The following PPM1L variants were observed in gnomAD, a reference collection of about 807,000 sequenced individuals.
The protein encoded by PPM1L is protein phosphatase, Mg2+/Mn2+ dependent 1L, also known as protein phosphatase 1L.
Under a neutral mutation model 31.4 loss-of-function variants are expected in PPM1L, and 13 were observed. That is an observed-to-expected ratio of 0.41 (90% CI 0.27 to 0.66). The LOEUF (loss-of-function observed/expected upper bound fraction) is 0.66, where lower values mean the gene tolerates loss of function less well. Among genes scored for constraint, PPM1L ranks in the 30% least tolerant of loss-of-function variants. The pLI is 0.29. For missense variants in PPM1L, 326 were observed against 453.7 expected, an observed-to-expected ratio of 0.72 and a Z score of 2.56; for synonymous variants, 184 against 175.4, an observed-to-expected ratio of 1.05 and a Z score of -0.39.
At chr3:161,001,286 TTG>T (rs1389165547) in intron 2 of PPM1L, among the ~76,000 whole-genome samples, 8 of 151,788 alleles carry the variant, frequency 5.3e-5, no homozygotes, top group African/African-American at 1.9e-4. Flanking sequence ...CTATAGTTTT[TTG>T]TTTTTTGTTC....
chr3:160,924,751 T>TA (rs1410529583), intron 1 of PPM1L, among the ~76,000 whole-genome samples: 3 of 152,022 alleles, frequency 2.0e-5, no homozygotes, highest in African/African-American at 7.3e-5. Flanking sequence ...ATCTCCAGAG[T>TA]AAAGGGAGCA....
chr3:160,814,745 GTATATA>G lies in PPM1L; in HGVS notation c.399+58044_399+58049del, dbSNP rs369380232. Among the ~76,000 whole-genome samples the G allele has an allele frequency of 2.0e-5, 3 of 148,654 alleles. No homozygotes were observed. In the South Asian group the frequency reaches 6.4e-4, roughly 32 times the overall value. On this transcript the variant is annotated intron_variant, in intron 1 of 3. Transcript: ENST00000498165. ...TATACGTGTATATATGTATATATGT[GTATATA>G]TATATGTATATACCATATATATACA...
intron 1 of PPM1L, among the ~76,000 whole-genome samples, chr3:160,792,580 C>T (rs1406978643): frequency 6.6e-6 from 1 of 152,148 alleles, no homozygotes; most frequent in Non-Finnish European, 1.5e-5. Context: ...ACTTGCAATG[C>T]AATCCTGAAG....
chr3:160,859,638 G>T (rs1266136744), intron 1 of PPM1L, among the ~76,000 whole-genome samples: 1 of 152,134 alleles, frequency 6.6e-6, no homozygotes, highest in Non-Finnish European at 1.5e-5. Flanking sequence ...TTAAAGAAAA[G>T]AATGAAATGC....
chr3:160,972,182 AATG>A (rs1716362794), intron 2 of PPM1L, among the ~76,000 whole-genome samples: 1 of 152,018 alleles, frequency 6.6e-6, no homozygotes, highest in Non-Finnish European at 1.5e-5. Context: ...ATGTAGAAAA[AATG>A]ATAATTCAGA....
intron 1 of PPM1L, among the ~76,000 whole-genome samples, chr3:160,943,965 A>G (rs1015621745): frequency 6.6e-5 from 10 of 152,160 alleles, no homozygotes; most frequent in Non-Finnish European, 1.2e-4. Flanking sequence ...TAGATGGCAA[A>G]GTTTATAATT....
intron 1 of PPM1L, among the ~76,000 whole-genome samples, chr3:160,808,513 T>A (rs891288213): frequency 6.6e-6 from 1 of 152,042 alleles, no homozygotes; most frequent in Non-Finnish European, 1.5e-5. Flanking sequence ...CCCTGGCCTA[T>A]AGCTGGGGGG....
intron 1 of PPM1L, among the ~76,000 whole-genome samples, chr3:160,847,013 A>G (rs913497052): frequency 2.6e-5 from 4 of 152,172 alleles, no homozygotes; most frequent in African/African-American, 9.6e-5. Flanking sequence ...ACTCAAACTG[A>G]AATTAATGTA....
intron 1 of PPM1L, among the ~76,000 whole-genome samples, chr3:160,824,196 T>G (rs1286140489): frequency 6.6e-6 from 1 of 151,436 alleles, no homozygotes; most frequent in Non-Finnish European, 1.5e-5. Flanking sequence ...AAGAAGAGGG[T>G]GGAGAGTTAG....
At chr3:161,019,819 C>T (rs1201211738) in intron 2 of PPM1L, among the ~76,000 whole-genome samples, 9 of 152,012 alleles carry the variant, frequency 5.9e-5, no homozygotes, top group Non-Finnish European at 1.5e-5. Context: ...AAATCATAAA[C>T]GAAGCTAACT....
intron 2 of PPM1L, among the ~76,000 whole-genome samples, chr3:161,013,238 G>T (rs1263310581): frequency 1.3e-5 from 2 of 152,094 alleles, no homozygotes; most frequent in Non-Finnish European, 2.9e-5. Flanking sequence ...TGTTCTCATT[G>T]GTTTCAAAGA....
intron 2 of PPM1L, among the ~76,000 whole-genome samples, chr3:160,965,246 CAA>C (rs903460640): frequency 3.7e-5 from 5 of 135,474 alleles, no homozygotes; most frequent in Non-Finnish European, 3.2e-5. Flanking sequence ...GCCTCCATCT[CAA>C]AAAAAAAAAG....
In PPM1L at chr3:161,069,102, A is replaced by G; in HGVS notation, c.1028A>G (p.Asn343Ser). Residue 343 changes from asparagine (N) to serine (S), a missense_variant, in exon 4 of 4, where the codon AAT (asparagine) becomes AGT (serine). By Grantham distance (46) the Asn-to-Ser change is conservative. Transcript: ENST00000498165. Reference sequence around the variant, plus strand: ...TCATTTTACAGAGGCTGCCCTGACAATATAACAGTCATGGTGGTGAAGTTC... The same window carrying G: ...TCATTTTACAGAGGCTGCCCTGACAGTATAACAGTCATGGTGGTGAAGTTC... ...LQSFYRGCPD[N>S]ITVMVVKFRN... The G allele has an allele frequency of 6.2e-7, 1 of 1,614,172 alleles. No individual in the cohort carries two copies. The highest frequency in any genetic ancestry group is 8.5e-7 in the Non-Finnish European group (1 of 1,180,026).
chr3:161,011,487 C>T (rs2108063114), intron 2 of PPM1L, among the ~76,000 whole-genome samples: 1 of 152,156 alleles, frequency 6.6e-6, no homozygotes, highest in Admixed American at 6.5e-5. Context: ...TTAGGATTGT[C>T]TTGGCAATGT....
At chr3:160,862,694 A>G (rs1442281838) in intron 1 of PPM1L, among the ~76,000 whole-genome samples, 4 of 145,700 alleles carry the variant, frequency 2.7e-5, no homozygotes, top group African/African-American at 8.3e-5. Flanking sequence ...ACACACACAC[A>G]CACACACACA....
At position 161,004,676 on chromosome 3, in the gene PPM1L, C is replaced by T. The variant is rs879655661; in HGVS notation, c.574+42766C>T. Among the ~76,000 whole-genome samples the T allele has an allele frequency of 8.2e-3, 1,214 of 148,620 alleles. 2 individuals carry two copies. The highest frequency in any genetic ancestry group is 0.013 in the Non-Finnish European group (894 of 66,500). On this transcript the variant is annotated intron_variant, in intron 2 of 3. Transcript: ENST00000498165. The stretch of plus-strand genomic sequence containing the variant: ...ATGGTAGTTTGTATTTCTGTGGGAT[C>T]GGTGGTGATATCCCCTTTATCATTT...
At chr3:161,033,082 C>G (rs1576795664) in intron 2 of PPM1L, among the ~76,000 whole-genome samples, 1 of 151,716 alleles carries the variant, frequency 6.6e-6, no homozygotes, top group East Asian at 1.9e-4. Context: ...GAGTCAACTC[C>G]CATTCACAGT....
chr3:161,011,710 T>A (rs1379502897), intron 2 of PPM1L, among the ~76,000 whole-genome samples: 1 of 152,222 alleles, frequency 6.6e-6, no homozygotes, highest in African/African-American at 2.4e-5. Context: ...TGGTTTATAG[T>A]TCTCCTTGAA....
rs1702180771 is a variant in PPM1L, at chr3:161,078,001, AATT to A, written c.*8845_*8847del. ...CATTAGAATCCTATTGAATTAGAAT[AATT>A]CATATACTTCATATACTAGGCAGTA... On this transcript the variant is annotated 3_prime_UTR_variant, in exon 4 of 4. Coordinates refer to ENST00000498165, the MANE Select transcript of PPM1L (RefSeq NM_139245.4). 1 of 152,240 alleles carries A rather than the reference AATT, an allele frequency of 6.6e-6. No homozygotes were observed. The highest frequency in any genetic ancestry group is 2.1e-4 in the South Asian group (1 of 4,836). 9.4% of individuals were successfully genotyped at this position (152,240 alleles called of 1,614,324 possible). A position where few individuals can be genotyped will look rare whatever the true frequency, so the allele number is the denominator to read the frequency against.
Sources: gnomAD v4.1 joint callset for allele counts (sites outside exome capture counted in the v4.1 genomes callset) on GRCh38, gnomAD v4.1.1 for gene constraint, MANE v1.5 for transcripts, NCBI Gene and HGNC (gene_info 2026-07-23, HGNC 2026-07-21) for gene names.